Variants in SORCS1 observed in about 807,000 individuals in gnomAD.
The protein encoded by SORCS1 is VPS10 domain-containing receptor SorCS1.
SORCS1 carries 60 observed loss-of-function variants against 146.1 expected under a neutral mutation model. That is an observed-to-expected ratio of 0.41 (90% confidence interval 0.33 to 0.51). SORCS1 has a LOEUF of 0.51. Ranked by LOEUF, SORCS1 falls within the 20% of genes least tolerant of loss-of-function variation. SORCS1 has a pLI of 0.21. For synonymous variants in SORCS1, 637 were observed against 584.0 expected (o/e 1.09, Z -1.31); for missense variants, 1,352 against 1,487.6 (o/e 0.91, Z 1.50).
At chr10:106,770,354 A>G (rs535684900) in intron 4 of SORCS1, among the ~76,000 whole-genome samples, 6 of 152,330 alleles carry the variant, frequency 3.9e-5, no homozygotes, top group Middle Eastern at 3.4e-3. Flanking sequence ...AAGCGAGTCA[A>G]TATAAACTTA....
chr10:106,702,207 T>C (rs1169401995), intron 8 of SORCS1, among the ~76,000 whole-genome samples: 2 of 152,178 alleles, frequency 1.3e-5, no homozygotes, highest in South Asian at 4.1e-4. Context: ...TGGCTCCCCA[T>C]CCTATAGGGT....
At chr10:106,825,302 C>T (rs7904295) in intron 3 of SORCS1, among the ~76,000 whole-genome samples, 5,516 of 134,812 alleles carry the variant, frequency 0.041, 284 homozygotes, top group East Asian at 0.24. Context: ...GACTGAGTCT[C>T]GCTCTGTCAC....
intron 6 of SORCS1, among the ~76,000 whole-genome samples, chr10:106,723,439 G>T (rs76960932): frequency 1.1e-4 from 16 of 150,872 alleles, no homozygotes; most frequent in African/African-American, 3.6e-4. Context: ...AACAATAAAA[G>T]ATCTGCTTCA....
chr10:106,769,313 G>A (rs1366884040), intron 4 of SORCS1, among the ~76,000 whole-genome samples: 4 of 151,794 alleles, frequency 2.6e-5, no homozygotes, highest in South Asian at 2.1e-4. Context: ...GTGAAGCCCC[G>A]TCTCTACTAA....
chr10:107,052,833 G>A (rs1960252758), intron 1 of SORCS1, among the ~76,000 whole-genome samples: 1 of 151,960 alleles, frequency 6.6e-6, no homozygotes, highest in Non-Finnish European at 1.5e-5. Flanking sequence ...GAACATTAGT[G>A]ATAGAAAAAG....
At chr10:106,812,977 C>T (rs1947547060) in intron 3 of SORCS1, among the ~76,000 whole-genome samples, 1 of 152,168 alleles carries the variant, frequency 6.6e-6, no homozygotes, top group Non-Finnish European at 1.5e-5. Flanking sequence ...CATTTCTCAG[C>T]TGTGGCTTCT....
At chr10:106,665,946 T>C (rs1851103271) in intron 17 of SORCS1, among the ~76,000 whole-genome samples, 1 of 152,122 alleles carries the variant, frequency 6.6e-6, no homozygotes, top group Non-Finnish European at 1.5e-5. Flanking sequence ...GTTCACGCCA[T>C]TCTCCTGCCT....
chr10:106,628,219 C>A (rs1220060350), intron 19 of SORCS1, among the ~76,000 whole-genome samples: 1 of 152,164 alleles, frequency 6.6e-6, no homozygotes, highest in Non-Finnish European at 1.5e-5. Flanking sequence ...GACTCAACAA[C>A]CAAAACACCT....
Position 106,597,444 on chromosome 10 carries a change from C to T in SORCS1, c.3172G>A (p.Glu1058Lys). ...TGGTTGAGCGTGTGGATCAGCAATTCTGATATCTGAAAAAAGAAGCATAGT... is the reference window on the plus strand; with the variant it reads ...TGGTTGAGCGTGTGGATCAGCAATTTTGATATCTGAAAAAAGAAGCATAGT... ...RSTDDLEQIS[E>K]LLIHTLNQNS... Residue 1058 changes from glutamate to lysine, a missense_variant, in exon 24 of 26, where the codon GAA (glutamate) becomes AAA (lysine). By Grantham distance (56) the Glu-to-Lys change is moderately conservative. Transcript: ENST00000263054. The T allele has an allele frequency of 6.2e-7, 1 of 1,613,306 alleles. No individual in the cohort carries two copies. The highest frequency in any genetic ancestry group is 8.5e-7 in the Non-Finnish European group (1 of 1,179,478).
intron 24 of SORCS1, among the ~76,000 whole-genome samples, chr10:106,594,225 T>A (rs1310097274): frequency 6.6e-6 from 1 of 152,216 alleles, no homozygotes; most frequent in Non-Finnish European, 1.5e-5. Context: ...TTGAAGAAAG[T>A]TTCCTTAAGT....
Position 107,164,105 on chromosome 10 carries a change from C to A in SORCS1, c.422G>T (p.Gly141Val), listed in dbSNP as rs764900238. 7.4e-6 allele frequency: 12 copies of A among 1,613,876 alleles called. No individual in the cohort carries two copies. The highest frequency in any genetic ancestry group is 1.3e-5 in the African/African-American group (1 of 75,020). Residue 141 changes from glycine to valine, a missense_variant, in exon 1 of 26, where the codon GGG becomes GTG. This residue lies in a region of SORCS1 where 490 missense variants were observed against 489.1 expected (regional missense o/e 1.00). Transcript: ENST00000263054. The surrounding 1 kb of genome is among the most constrained non-coding windows in gnomAD (Gnocchi z 6.8). ...TTTGTCCGGGTCCCGCTCCCGAGTC[C>A]CAGGCTCCTGCTGCCCTCCATCTCT... ...VLRDGGQQEP[G>V]TRERDPDKAT...
At chr10:107,045,781 CTTTTTTTT>C (rs1313801610) in intron 1 of SORCS1, among the ~76,000 whole-genome samples, 1 of 130,160 alleles carries the variant, frequency 7.7e-6, no homozygotes, top group African/African-American at 2.8e-5. Flanking sequence ...TATATATCTT[CTTTTTTTT>C]TTTTTTTTTT....
At chr10:106,628,841 G>A (rs983845085) in intron 19 of SORCS1, among the ~76,000 whole-genome samples, 1 of 152,150 alleles carries the variant, frequency 6.6e-6, no homozygotes, top group Non-Finnish European at 1.5e-5. Context: ...GGTGCATGTG[G>A]ATTGTTTTCA....
intron 10 of SORCS1, among the ~76,000 whole-genome samples, chr10:106,682,649 C>T (rs1448095181): frequency 6.6e-6 from 1 of 152,196 alleles, no homozygotes; most frequent in African/African-American, 2.4e-5. Flanking sequence ...TCCTTATGCA[C>T]ATTTTGCCCA....
chr10:106,800,830 C>T (rs986942021), intron 3 of SORCS1, among the ~76,000 whole-genome samples: 45 of 152,086 alleles, frequency 3.0e-4, no homozygotes, highest in Non-Finnish European at 5.3e-4. Context: ...CATGAGCCAC[C>T]GTACCCGGCC....
intron 1 of SORCS1, among the ~76,000 whole-genome samples, chr10:107,050,931 T>A (rs1960046279): frequency 6.6e-6 from 1 of 152,164 alleles, no homozygotes; most frequent in African/African-American, 2.4e-5. Context: ...CCTTTCAGTC[T>A]TTTATTCATT....
chr10:107,068,576 A>G (rs1279075733), intron 1 of SORCS1, among the ~76,000 whole-genome samples: 1 of 152,204 alleles, frequency 6.6e-6, no homozygotes, highest in African/African-American at 2.4e-5. Context: ...CAGAAAGCTC[A>G]CCATGAACTG....
intron 4 of SORCS1, among the ~76,000 whole-genome samples, chr10:106,770,371 T>G (rs12772893): frequency 0.23 from 34,550 of 152,048 alleles, 4,402 homozygotes; most frequent in Non-Finnish European, 0.29. Context: ...CTTACAAATA[T>G]TCTAGAACTG....
intron 1 of SORCS1, among the ~76,000 whole-genome samples, chr10:107,076,001 A>C (rs969994348): frequency 3.3e-5 from 5 of 152,130 alleles, no homozygotes; most frequent in African/African-American, 1.2e-4. Context: ...GACACCAAAA[A>C]AAAATCAAGA....
Sources: allele counts gnomAD v4.1 joint callset (sites outside exome capture counted in the v4.1 genomes callset), GRCh38; gene constraint gnomAD v4.1.1; regional missense constraint gnomAD v4.1.1; non-coding constraint Gnocchi (gnomAD v3.1); transcripts MANE v1.5; gene names NCBI Gene and HGNC (gene_info 2026-07-23, HGNC 2026-07-21).